The following ERBB4 variants were observed in gnomAD, a reference collection of about 807,000 sequenced individuals.
ERBB4 encodes the protein erb-b2 receptor tyrosine kinase 4, also known as receptor tyrosine-protein kinase erbB-4.
ERBB4 carries 42 observed loss-of-function variants against 158.0 expected under a neutral mutation model. The ratio of observed to expected loss-of-function variants is 0.27; its 90% confidence interval spans 0.21 to 0.34. ERBB4 has a LOEUF of 0.34. Ranked by LOEUF, ERBB4 falls within the 10% of genes least tolerant of loss-of-function variation. ERBB4 has a pLI of 1.00. For synonymous variants in ERBB4, 583 were observed against 558.7 expected, an observed-to-expected ratio of 1.04 and a Z score of -0.61; for missense variants, 1,333 against 1,624.1, an observed-to-expected ratio of 0.82 and a Z score of 3.08.
At chr2:211,722,118 C>A (rs528029517) in intron 7 of ERBB4, among the ~76,000 whole-genome samples, 1 of 152,292 alleles carries the variant, frequency 6.6e-6, no homozygotes, top group Non-Finnish European at 1.5e-5. Flanking sequence ...ACCTCGGCCT[C>A]CCAAAGTGCT....
intron 3 of ERBB4, among the ~76,000 whole-genome samples, chr2:211,942,985 T>C (rs1350094412): frequency 1.3e-5 from 2 of 152,132 alleles, no homozygotes; most frequent in African/African-American, 4.8e-5. Context: ...ATAAAATAGA[T>C]ATGAACTTAA....
intron 2 of ERBB4, among the ~76,000 whole-genome samples, chr2:212,061,144 T>A (rs1277714984): frequency 6.6e-6 from 1 of 151,770 alleles, no homozygotes; most frequent in African/African-American, 2.4e-5. Context: ...GACAATAACC[T>A]CTACCAAGTA....
chr2:212,170,372 G>A (rs1201213377), intron 1 of ERBB4, among the ~76,000 whole-genome samples: 1 of 152,144 alleles, frequency 6.6e-6, no homozygotes. Flanking sequence ...AGGAAGCAGA[G>A]TATAAAAGTT....
intron 2 of ERBB4, among the ~76,000 whole-genome samples, chr2:211,962,839 C>T (rs1255836795): frequency 1.3e-5 from 2 of 151,844 alleles, no homozygotes; most frequent in East Asian, 1.9e-4. Context: ...TGGTTGATGG[C>T]GCTTTAAAAA....
intron 1 of ERBB4, among the ~76,000 whole-genome samples, chr2:212,333,850 T>C (rs924636867): frequency 6.6e-6 from 1 of 151,978 alleles, no homozygotes; most frequent in Non-Finnish European, 1.5e-5. Flanking sequence ...TAATAATTCC[T>C]AAGAAAAAAA....
chr2:211,478,108 A>G (rs939352977), intron 20 of ERBB4, among the ~76,000 whole-genome samples: 1 of 152,176 alleles, frequency 6.6e-6, no homozygotes, highest in African/African-American at 2.4e-5. Context: ...TCAGCCAAAT[A>G]AAGGGATGCC....
At chr2:211,662,107 T>C (rs1228255092) in intron 15 of ERBB4, among the ~76,000 whole-genome samples, 3 of 104,992 alleles carry the variant, frequency 2.9e-5, no homozygotes, top group Non-Finnish European at 6.0e-5. Context: ...TGACATTTAA[T>C]AATATAAAAT....
chr2:211,640,512 A>G (rs1359787260), intron 16 of ERBB4, among the ~76,000 whole-genome samples: 1 of 152,162 alleles, frequency 6.6e-6, no homozygotes. Context: ...CTCTTCCAAT[A>G]TAATTGATTA....
intron 1 of ERBB4, among the ~76,000 whole-genome samples, chr2:212,530,445 G>C (rs1184809218): frequency 1.3e-5 from 2 of 152,120 alleles, no homozygotes; most frequent in Non-Finnish European, 2.9e-5. Context: ...GAGAAGGACA[G>C]GAAATAATGA....
intron 2 of ERBB4, among the ~76,000 whole-genome samples, chr2:212,101,020 T>C (rs1020110753): frequency 2.0e-5 from 3 of 152,076 alleles, no homozygotes; most frequent in Non-Finnish European, 4.4e-5. Flanking sequence ...TCTGGGATAG[T>C]CAATTTTTAA....
chr2:212,463,261 C>T (rs1404206680), intron 1 of ERBB4, among the ~76,000 whole-genome samples: 2 of 151,934 alleles, frequency 1.3e-5, no homozygotes, highest in Admixed American at 1.3e-4. Context: ...TTTGAATTTT[C>T]CCAACGCAAA....
intron 18 of ERBB4, 88 bp downstream of exon 18, chr2:211,623,834 G>C (rs1574876039): frequency 7.8e-7 from 1 of 1,279,968 alleles, no homozygotes; most frequent in Non-Finnish European, 1.1e-6. Context: ...AGAAAATTAG[G>C]TTGTCTAAAG....
intron 2 of ERBB4, among the ~76,000 whole-genome samples, chr2:212,106,738 C>A (rs2079240121): frequency 6.6e-6 from 1 of 152,210 alleles, no homozygotes; most frequent in Non-Finnish European, 1.5e-5. Flanking sequence ...ATGGGCCTGG[C>A]CCAGGGTCCC....
At chr2:211,425,379 AATT>A (rs1446988059) in intron 22 of ERBB4, among the ~76,000 whole-genome samples, 2 of 116,198 alleles carry the variant, frequency 1.7e-5, no homozygotes, top group African/African-American at 1.5e-4. Flanking sequence ...TGGAATTTAA[AATT>A]ATTCTTTCTA....
At chr2:212,266,086 C>A (rs931741372) in intron 1 of ERBB4, among the ~76,000 whole-genome samples, 2 of 151,866 alleles carry the variant, frequency 1.3e-5, no homozygotes, top group African/African-American at 4.8e-5. Flanking sequence ...GTGACTAGAG[C>A]CTCCGTCTCA....
At chr2:211,396,260 C>A (rs1316344196) in intron 25 of ERBB4, among the ~76,000 whole-genome samples, 1 of 151,820 alleles carries the variant, frequency 6.6e-6, no homozygotes, top group African/African-American at 2.4e-5. Context: ...GTTATGTAAC[C>A]CATACAATCA....
At chr2:211,440,869 G>C (rs947702369) in intron 20 of ERBB4, among the ~76,000 whole-genome samples, 1 of 152,126 alleles carries the variant, frequency 6.6e-6, no homozygotes, top group African/African-American at 2.4e-5. Flanking sequence ...CCACATAAGG[G>C]GTTGAAAAGT....
intron 1 of ERBB4, among the ~76,000 whole-genome samples, chr2:212,196,250 G>T (rs1254173846): frequency 6.6e-6 from 1 of 152,030 alleles, no homozygotes; most frequent in African/African-American, 2.4e-5. Context: ...GACAGCCAGA[G>T]AAAAGAAAAT....
At chr2:211,955,387 T>G (rs2080999438) in intron 2 of ERBB4, among the ~76,000 whole-genome samples, 1 of 152,068 alleles carries the variant, frequency 6.6e-6, no homozygotes, top group Admixed American at 6.6e-5. Flanking sequence ...GTCCTTTATA[T>G]TTTCCTGAGC....
Sources: gnomAD v4.1 joint callset for allele counts (sites outside exome capture counted in the v4.1 genomes callset) on GRCh38, gnomAD v4.1.1 for gene constraint, MANE v1.5 for transcripts, NCBI Gene and HGNC (gene_info 2026-07-23, HGNC 2026-07-21) for gene names.